The following DOCK5 variants were observed in gnomAD, a reference collection of about 807,000 sequenced individuals.
The protein encoded by DOCK5 is dedicator of cytokinesis 5, also known as dedicator of cytokinesis protein 5.
A neutral mutation model predicts 251.8 loss-of-function variants in DOCK5; 142 were observed. That is an observed-to-expected ratio of 0.56 (90% CI 0.49 to 0.65). DOCK5 has a LOEUF of 0.65. Ranked by LOEUF, DOCK5 falls within the 30% of genes least tolerant of loss-of-function variation. The pLI, the probability that DOCK5 is intolerant of heterozygous loss-of-function variation, is 0.00. For missense variants in DOCK5, 2,111 were observed against 2,312.3 expected (o/e 0.91, Z 1.79); for synonymous variants, 842 against 835.5 (o/e 1.01, Z -0.13).
intron 40 of DOCK5, among the ~76,000 whole-genome samples, chr8:25,384,463 A>ATTTTT (rs201096966): frequency 8.1e-5 from 11 of 135,686 alleles, no homozygotes; most frequent in East Asian, 2.2e-4. Context: ...TTATTTATTT[A>ATTTTT]TTTTTTTTTT....
chr8:25,317,166 G>A (rs764422752), intron 14 of DOCK5, 35 bp downstream of exon 14: 15 of 1,604,502 alleles, frequency 9.3e-6, no homozygotes, highest in South Asian at 5.5e-5. Flanking sequence ...TGCTACCATC[G>A]CATCCGTCTT....
rs373834163 is a variant in DOCK5, at chr8:25,380,294, T to C, written c.3937-11T>C. On this transcript the variant is annotated splice_polypyrimidine_tract_variant and intron_variant, in intron 38 of 51. Transcript: ENST00000276440. ...TTCTCCACTTTTAACCTTACTTTCC[T>C]TTTTCTGAAGATGTGGGAGAAGGCC... 1.9e-6 allele frequency: 3 copies of C among 1,604,334 alleles called. No homozygotes were observed. Among genetic ancestry groups the C allele is most frequent in the Non-Finnish European group, 2.6e-6 (3 of 1,174,946 alleles).
intron 8 of DOCK5, among the ~76,000 whole-genome samples, chr8:25,299,722 A>AT (rs902245065): frequency 3.3e-5 from 5 of 152,024 alleles, no homozygotes; most frequent in African/African-American, 4.8e-5. Flanking sequence ...ATTAAAAAAC[A>AT]TTTTTTTTAA....
intron 33 of DOCK5, 132 bp from the exon 34 acceptor site, chr8:25,369,424 C>T (rs753895826): frequency 4.9e-5 from 33 of 671,334 alleles, no homozygotes; most frequent in Non-Finnish European, 6.9e-5. Context: ...ATGAGTGACC[C>T]TCTGTGATCC....
intron 33 of DOCK5, 25 bp downstream of exon 33, chr8:25,368,750 A>G (rs1800822263): frequency 5.0e-6 from 8 of 1,604,518 alleles, no homozygotes; most frequent in Non-Finnish European, 6.8e-6. Context: ...ACCGCGTAAT[A>G]TTAGTAAATG....
chr8:25,402,124 T>G (rs1265248933), intron 47 of DOCK5, among the ~76,000 whole-genome samples: 2 of 152,138 alleles, frequency 1.3e-5, no homozygotes, highest in Admixed American at 1.3e-4. Flanking sequence ...TTATTCTTTT[T>G]GTTTTGTTTT....
chr8:25,401,171 T>C, intron 47 of DOCK5, 105 bp downstream of exon 47: 1 of 1,479,286 alleles, frequency 6.8e-7, no homozygotes, highest in South Asian at 1.3e-5. Flanking sequence ...AACTTAGCTA[T>C]GGCATGGAAA....
At chr8:25,354,053 CAAAAAAAA>C (rs869141192) in intron 27 of DOCK5, among the ~76,000 whole-genome samples, 1 of 23,882 alleles carries the variant, frequency 4.2e-5, no homozygotes, top group Non-Finnish European at 8.7e-5. Flanking sequence ...AAAAAACAAA[CAAAAAAAA>C]AAACGTAGGA....
At chr8:25,292,788 G>C (rs1210035155) in intron 6 of DOCK5, among the ~76,000 whole-genome samples, 1 of 152,128 alleles carries the variant, frequency 6.6e-6, no homozygotes, top group African/African-American at 2.4e-5. Flanking sequence ...CTCTGAAGTT[G>C]ACATTTTCAG....
intron 5 of DOCK5, among the ~76,000 whole-genome samples, chr8:25,282,501 T>C (rs1389409717): frequency 6.6e-6 from 1 of 152,142 alleles, no homozygotes; most frequent in Non-Finnish European, 1.5e-5. Context: ...TAGCAATACT[T>C]GTATTATTTC....
chr8:25,373,748 GT>G (rs2117289158), intron 36 of DOCK5, 90 bp downstream of exon 36: 1 of 1,308,328 alleles, frequency 7.6e-7, no homozygotes. Flanking sequence ...CCAACACCGT[GT>G]TTGCTGCTTT....
chr8:25,314,682 C>CCA (rs1805192812), intron 13 of DOCK5, among the ~76,000 whole-genome samples: 3 of 57,728 alleles, frequency 5.2e-5, no homozygotes, highest in African/African-American at 1.4e-4. Flanking sequence ...ATCCATGTAT[C>CCA]TATCCATCCA....
At chr8:25,239,208 A>G (rs1186887809) in intron 1 of DOCK5, among the ~76,000 whole-genome samples, 2 of 152,148 alleles carry the variant, frequency 1.3e-5, no homozygotes, top group Non-Finnish European at 2.9e-5. Flanking sequence ...AATTTCGCAG[A>G]TAGTGGAGAC....
At chr8:25,283,010 C>G (rs1406165795) in intron 5 of DOCK5, among the ~76,000 whole-genome samples, 1 of 152,126 alleles carries the variant, frequency 6.6e-6, no homozygotes, top group Non-Finnish European at 1.5e-5. Flanking sequence ...ATGCAGTCCA[C>G]TAACCAGATT....
At position 25,415,007 on chromosome 8, in the gene DOCK5, G is replaced by A. The variant is rs1381703684; in HGVS notation, c.*3709G>A. 1 of 145,408 alleles carries A rather than the reference G, an allele frequency of 6.9e-6. No homozygotes were observed. The highest frequency in any genetic ancestry group is 2.5e-5 in the African/African-American group (1 of 39,552). The allele number at this position is 145,408 out of a possible 1,614,324, so 9.0% of individuals were successfully genotyped here. ...TTTATTTAAACAAAAAGAGGGGGAG[G>A]ATCTGAAGGAAACTAGTTTTCTGTA... On this transcript the variant is annotated 3_prime_UTR_variant, in exon 52 of 52. Coordinates refer to ENST00000276440, the MANE Select transcript of DOCK5 (RefSeq NM_024940.8).
At chr8:25,187,290 T>TATAC (rs1296862994) in intron 1 of DOCK5, among the ~76,000 whole-genome samples, 2 of 149,258 alleles carry the variant, frequency 1.3e-5, no homozygotes, top group Non-Finnish European at 3.0e-5. Flanking sequence ...TATATATGTA[T>TATAC]ATACATATAT....
At chr8:25,278,786 T>G in intron 5 of DOCK5, 121 bp downstream of exon 5, 1 of 883,798 alleles carries the variant, frequency 1.1e-6, no homozygotes, top group Non-Finnish European at 1.8e-6. Context: ...TCTCCCTGGA[T>G]CACACAAAGG....
At chr8:25,291,278 A>C (rs143658085) in intron 5 of DOCK5, among the ~76,000 whole-genome samples, 1,564 of 152,248 alleles carry the variant, frequency 0.01, 14 homozygotes, top group Non-Finnish European at 0.015. Context: ...CAGTTGCAAG[A>C]GGGGAGGGTG....
chr8:25,254,446 GAAGTT>G (rs1239700110), intron 2 of DOCK5, among the ~76,000 whole-genome samples: 1 of 152,038 alleles, frequency 6.6e-6, no homozygotes, highest in Non-Finnish European at 1.5e-5. Flanking sequence ...AAGAGAATGA[GAAGTT>G]AAGCCACAGT....
Sources: allele counts gnomAD v4.1 joint callset (sites outside exome capture counted in the v4.1 genomes callset), GRCh38; gene constraint gnomAD v4.1.1; transcripts MANE v1.5; gene names NCBI Gene and HGNC (gene_info 2026-07-23, HGNC 2026-07-21).